Variants in PSMA1 observed in about 807,000 individuals in gnomAD.
The protein encoded by PSMA1 is proteasome 20S subunit alpha 1, also known as proteasome subunit alpha type-1.
A neutral mutation model predicts 38.4 loss-of-function variants in PSMA1; 3 were observed. The observed-to-expected ratio is 0.08, with a 90% confidence interval of 0.04 to 0.20. The LOEUF (loss-of-function observed/expected upper bound fraction) is 0.20. PSMA1 is among the 10% of genes least tolerant of loss of function. The probability of loss-of-function intolerance (pLI) is 1.00; values close to 1 mark genes in which losing one functional copy is unlikely to be tolerated. For synonymous variants in PSMA1, 101 were observed against 107.1 expected, an observed-to-expected ratio of 0.94 and a Z score of 0.35; for missense variants, 227 against 325.3, an observed-to-expected ratio of 0.70 and a Z score of 2.32.
intron 2 of PSMA1, among the ~76,000 whole-genome samples, chr11:14,588,162 G>A (rs1290332925): frequency 6.6e-6 from 1 of 152,246 alleles, no homozygotes; most frequent in East Asian, 1.9e-4. Context: ...GAAGGAATGA[G>A]TGAGTGACTC....
chr11:14,581,808 C>T (rs1393265285), intron 2 of PSMA1, among the ~76,000 whole-genome samples: 1 of 152,214 alleles, frequency 6.6e-6, no homozygotes, highest in East Asian at 1.9e-4. Context: ...TCCCTTAGCT[C>T]TGCTTTCTTC....
chr11:14,642,511 T>C (rs959315808), intron 1 of PSMA1, among the ~76,000 whole-genome samples: 8 of 152,242 alleles, frequency 5.3e-5, no homozygotes, highest in African/African-American at 1.9e-4. Flanking sequence ...GCATGTGAAC[T>C]ATGACCATAT....
At position 14,579,486 on chromosome 11, in the gene PSMA1, CTTTTTTT is replaced by C. The variant is rs756980966; in HGVS notation, c.21+31473_21+31479del. Reference sequence around the variant, plus strand: ...CTTAACTTAATTACAGCTGCAAAGACTTTTTTTTTTTTTTTTTTTTTTTAAATAAGGT... The same window carrying C: ...CTTAACTTAATTACAGCTGCAAAGACTTTTTTTTTTTTTTTTAAATAAGGT... On this transcript the variant is annotated intron_variant, in intron 2 of 10. Transcript: ENST00000418988. Among the ~76,000 whole-genome samples the C allele has an allele frequency of 1.3e-3, 145 of 112,502 alleles. 1 individual carries two copies. Among genetic ancestry groups the C allele is most frequent in the Admixed American group, 1.7e-3 (18 of 10,494 alleles). The allele number at this position is 112,502 out of a possible 152,430, so 73.8% of individuals were successfully genotyped here.
intron 8 of PSMA1, among the ~76,000 whole-genome samples, chr11:14,510,457 AC>A (rs1276299503): frequency 3.3e-5 from 5 of 152,062 alleles, no homozygotes; most frequent in African/African-American, 1.2e-4. Context: ...CTTCTAATAT[AC>A]TATATAATGT....
At chr11:14,625,339 T>C (rs1197483121) in intron 1 of PSMA1, among the ~76,000 whole-genome samples, 2 of 152,084 alleles carry the variant, frequency 1.3e-5, no homozygotes, top group African/African-American at 2.4e-5. Context: ...TCCTAGCTAC[T>C]TGGGAGGCTG....
At chr11:14,593,613 T>TGA (rs59225796) in intron 2 of PSMA1, among the ~76,000 whole-genome samples, 3,117 of 98,876 alleles carry the variant, frequency 0.032, 130 homozygotes, top group South Asian at 0.052. Context: ...GGAGGAAAAA[T>TGA]GAGAGAGAGA....
intron 2 of PSMA1, among the ~76,000 whole-genome samples, chr11:14,590,809 C>A (rs1852404580): frequency 6.6e-6 from 1 of 152,210 alleles, no homozygotes; most frequent in African/African-American, 2.4e-5. Context: ...GGGACGAGGC[C>A]ATACTTCACA....
At chr11:14,590,636 T>C (rs1852401856) in intron 2 of PSMA1, among the ~76,000 whole-genome samples, 3 of 152,314 alleles carry the variant, frequency 2.0e-5, no homozygotes, top group Non-Finnish European at 4.4e-5. Flanking sequence ...TCTTCTTCCT[T>C]ATCTGGGAAT....
intron 1 of PSMA1, among the ~76,000 whole-genome samples, chr11:14,633,628 A>C (rs368612245): frequency 1.3e-5 from 2 of 152,142 alleles, no homozygotes; most frequent in Admixed American, 6.5e-5. Flanking sequence ...GGAGCCTACA[A>C]AGGCAGGCAG....
At chr11:14,547,558 G>A (rs1235707006) in intron 2 of PSMA1, among the ~76,000 whole-genome samples, 1 of 152,166 alleles carries the variant, frequency 6.6e-6, no homozygotes, top group African/African-American at 2.4e-5. Flanking sequence ...GATAGGAACT[G>A]GGGAGGGTCC....
chr11:14,613,775 T>G lies in PSMA1; in HGVS notation c.-165-2624A>C, dbSNP rs561163963. On this transcript the variant is annotated intron_variant, in intron 1 of 10. Transcript: ENST00000418988. ...TTTTAAGTAAGGTGGTTGAGGCCTC[T>G]GGACACAAAGGAGAAACAGGCAGTT... 2.2e-4 allele frequency among the ~76,000 whole-genome samples: 34 copies of G among 152,312 alleles called. No individual in the cohort carries two copies. In the South Asian group the frequency reaches 6.4e-3, roughly 29 times the overall value.
chr11:14,545,639 ATGT>A (rs1193027047), intron 2 of PSMA1, among the ~76,000 whole-genome samples: 2 of 152,240 alleles, frequency 1.3e-5, no homozygotes, highest in Non-Finnish European at 2.9e-5. Flanking sequence ...AAAGGACATG[ATGT>A]TGTTCCTTTT....
chr11:14,641,046 G>A (rs931867411), intron 1 of PSMA1, among the ~76,000 whole-genome samples: 15 of 152,246 alleles, frequency 9.9e-5, no homozygotes, highest in Middle Eastern at 3.4e-3. Context: ...GAGAGATGAT[G>A]GGTCAAAACG....
intron 1 of PSMA1, among the ~76,000 whole-genome samples, chr11:14,638,523 CT>C (rs1335266325): frequency 8.2e-5 from 2 of 24,244 alleles, no homozygotes; most frequent in African/African-American, 3.4e-4. Flanking sequence ...CTCTCTCTCT[CT>C]CTCTCTCTCT....
intron 2 of PSMA1, among the ~76,000 whole-genome samples, chr11:14,526,512 C>T (rs1046767194): frequency 1.3e-5 from 2 of 152,134 alleles, no homozygotes; most frequent in African/African-American, 4.8e-5. Context: ...CTTTTAGAGG[C>T]CCTCAAAATC....
chr11:14,610,490 T>C (rs547516420), intron 2 of PSMA1, among the ~76,000 whole-genome samples: 1 of 152,350 alleles, frequency 6.6e-6, no homozygotes, highest in South Asian at 2.1e-4. Flanking sequence ...GAATTAAAGC[T>C]GCTTTGGAAA....
At chr11:14,533,496 C>CT (rs1362135395) in intron 2 of PSMA1, among the ~76,000 whole-genome samples, 4 of 152,134 alleles carry the variant, frequency 2.6e-5, no homozygotes, top group African/African-American at 9.7e-5. Context: ...ACTATCTGGG[C>CT]TTTGTTACAG....
At chr11:14,605,455 C>G (rs1852631932) in intron 2 of PSMA1, among the ~76,000 whole-genome samples, 1 of 152,152 alleles carries the variant, frequency 6.6e-6, no homozygotes, top group African/African-American at 2.4e-5. Flanking sequence ...GTGATCTTGG[C>G]TCACTGCAGC....
chr11:14,556,655 C>T (rs1343891484), intron 2 of PSMA1, among the ~76,000 whole-genome samples: 6 of 152,106 alleles, frequency 3.9e-5, no homozygotes, highest in South Asian at 2.1e-4. Flanking sequence ...ACTTTCTCTG[C>T]TTACTCTTGA....
Sources: allele counts gnomAD v4.1 joint callset (sites outside exome capture counted in the v4.1 genomes callset), GRCh38; gene constraint gnomAD v4.1.1; transcripts MANE v1.5; gene names NCBI Gene and HGNC (gene_info 2026-07-23, HGNC 2026-07-21).